Variants in MSRA observed in about 807,000 individuals in gnomAD.
MSRA encodes the protein mitochondrial peptide methionine sulfoxide reductase.
MSRA carries 54 observed loss-of-function variants against 31.3 expected under a neutral mutation model. The observed-to-expected ratio is 1.73, with a 90% CI of 1.39 to 2.17. The LOEUF (loss-of-function observed/expected upper bound fraction) is 2.17. MSRA is among the 30% of genes most tolerant of loss of function. MSRA has a pLI of 0.00. For synonymous variants in MSRA, 169 were observed against 116.5 expected, an observed-to-expected ratio of 1.45 and a Z score of -2.90; for missense variants, 507 against 300.9, an observed-to-expected ratio of 1.69 and a Z score of -5.07.
chr8:10,181,015 C>G (rs556947094), intron 1 of MSRA, among the ~76,000 whole-genome samples: 2 of 152,276 alleles, frequency 1.3e-5, no homozygotes, highest in South Asian at 4.1e-4. Context: ...TCTATCAAAT[C>G]CACCGTTAAC....
chr8:10,207,923 A>T, intron 2 of MSRA, 22 bp downstream of exon 2: 6 of 1,601,076 alleles, frequency 3.7e-6, no homozygotes, highest in Non-Finnish European at 5.1e-6. Flanking sequence ...ATTCTGAAAG[A>T]AAACCCAAAT....
At chr8:10,348,180 A>C (rs1326308291) in intron 5 of MSRA, among the ~76,000 whole-genome samples, 1 of 152,120 alleles carries the variant, frequency 6.6e-6, no homozygotes, top group East Asian at 1.9e-4. Context: ...GAGTAGCAGC[A>C]TAATTGTGTG....
At chr8:10,259,813 G>T (rs1013242393) in intron 3 of MSRA, among the ~76,000 whole-genome samples, 1 of 152,142 alleles carries the variant, frequency 6.6e-6, no homozygotes, top group Non-Finnish European at 1.5e-5. Flanking sequence ...TGTAGGCTGG[G>T]GCTGCTGCTC....
intron 1 of MSRA, among the ~76,000 whole-genome samples, chr8:10,194,786 C>A (rs1435632993): frequency 1.3e-5 from 2 of 152,182 alleles, no homozygotes; most frequent in Non-Finnish European, 2.9e-5. Flanking sequence ...TCAGGGGCTG[C>A]TTACCTGCAG....
At chr8:10,162,938 C>T (rs1281806615) in intron 1 of MSRA, among the ~76,000 whole-genome samples, 1 of 152,152 alleles carries the variant, frequency 6.6e-6, no homozygotes, top group African/African-American at 2.4e-5. Context: ...TTAAAGTTTG[C>T]ACCTCTCCAA....
chr8:10,302,740 G>A (rs1207322278), intron 4 of MSRA, among the ~76,000 whole-genome samples: 2 of 152,220 alleles, frequency 1.3e-5, no homozygotes, highest in Non-Finnish European at 2.9e-5. Flanking sequence ...CGGCCTAGAG[G>A]TCTGGGCCTA....
At chr8:10,126,386 C>G (rs939173253) in intron 1 of MSRA, among the ~76,000 whole-genome samples, 1 of 152,188 alleles carries the variant, frequency 6.6e-6, no homozygotes, top group Non-Finnish European at 1.5e-5. Flanking sequence ...AACAGCAGTT[C>G]CCAAGCTCTG....
At chr8:10,206,651 C>T (rs1311417080) in intron 1 of MSRA, among the ~76,000 whole-genome samples, 1 of 152,186 alleles carries the variant, frequency 6.6e-6, no homozygotes, top group African/African-American at 2.4e-5. Context: ...ACTGAAGTTG[C>T]TCTCTCACCC....
At position 10,060,897 on chromosome 8, in the gene MSRA, G is replaced by A. The variant is rs143150598; in HGVS notation, c.142+6239G>A. 1.9e-4 allele frequency among the ~76,000 whole-genome samples: 29 copies of A among 152,270 alleles called. No individual in the cohort carries two copies. The East Asian group carries it at 4.1e-3, about 21-fold the overall frequency. On this transcript the variant is annotated intron_variant, in intron 1 of 5. Transcript: ENST00000317173. The stretch of plus-strand genomic sequence containing the variant: ...CACTATTATGTAGAAGGCATTATGT[G>A]TATTTCTTGTATTGTGAGTGATGTA...
chr8:10,199,950 G>A (rs1176283453), intron 1 of MSRA, among the ~76,000 whole-genome samples: 1 of 152,196 alleles, frequency 6.6e-6, no homozygotes, highest in Non-Finnish European at 1.5e-5. Context: ...CCCGCCTCTA[G>A]GTACCAGCTT....
At chr8:10,387,717 T>G (rs982995098) in intron 5 of MSRA, among the ~76,000 whole-genome samples, 7 of 152,218 alleles carry the variant, frequency 4.6e-5, no homozygotes, top group Non-Finnish European at 8.8e-5. Flanking sequence ...AAAAAGCCTG[T>G]CTGGGCATGG....
intron 1 of MSRA, among the ~76,000 whole-genome samples, chr8:10,176,360 G>A (rs900556163): frequency 6.6e-6 from 1 of 152,176 alleles, no homozygotes; most frequent in Non-Finnish European, 1.5e-5. Context: ...AGGGTGAGAC[G>A]AAGAAGAATA....
chr8:10,354,631 A>G (rs1378725594), intron 5 of MSRA, among the ~76,000 whole-genome samples: 1 of 151,972 alleles, frequency 6.6e-6, no homozygotes, highest in African/African-American at 2.4e-5. Flanking sequence ...GATTAGAATG[A>G]TTACAAATGC....
chr8:10,188,629 T>C (rs1328858027), intron 1 of MSRA, among the ~76,000 whole-genome samples: 1 of 152,212 alleles, frequency 6.6e-6, no homozygotes. Context: ...CATTTAGATA[T>C]ACAGTTGTTC....
intron 3 of MSRA, among the ~76,000 whole-genome samples, chr8:10,262,837 G>T (rs1798552036): frequency 6.6e-6 from 1 of 152,190 alleles, no homozygotes; most frequent in African/African-American, 2.4e-5. Flanking sequence ...CCGAATGTTG[G>T]CACTCACACC....
chr8:10,300,869 C>G (rs1240218449), intron 3 of MSRA, among the ~76,000 whole-genome samples: 3 of 152,126 alleles, frequency 2.0e-5, no homozygotes, highest in Non-Finnish European at 2.9e-5. Flanking sequence ...ACCAAACCTC[C>G]AGGACCACCA....
chr8:10,284,051 CT>C (rs1799801352), intron 3 of MSRA, among the ~76,000 whole-genome samples: 1 of 151,638 alleles, frequency 6.6e-6, no homozygotes, highest in South Asian at 2.1e-4. Context: ...GGTAGTTCTA[CT>C]TTTAGTTTGT....
intron 1 of MSRA, among the ~76,000 whole-genome samples, chr8:10,111,123 G>T (rs1346881299): frequency 6.6e-6 from 1 of 152,150 alleles, no homozygotes; most frequent in Admixed American, 6.5e-5. Context: ...AAGGGTTTCC[G>T]TGTTATCCAG....
intron 1 of MSRA, among the ~76,000 whole-genome samples, chr8:10,189,670 T>A (rs541316948): frequency 6.6e-6 from 1 of 152,346 alleles, no homozygotes; most frequent in African/African-American, 2.4e-5. Context: ...AAAACAACTT[T>A]GAATTCCTTG....
Sources: allele counts gnomAD v4.1 joint callset (sites outside exome capture counted in the v4.1 genomes callset), GRCh38; gene constraint gnomAD v4.1.1; transcripts MANE v1.5; gene names NCBI Gene and HGNC (gene_info 2026-07-23, HGNC 2026-07-21).